Variants in UBE3C observed in about 807,000 individuals in gnomAD.
UBE3C encodes ubiquitin-protein ligase E3C.
Under a neutral mutation model 129.4 loss-of-function variants are expected in UBE3C, and 42 were observed. The observed-to-expected ratio is 0.32, with a 90% CI of 0.25 to 0.42. UBE3C has a LOEUF of 0.42. Among genes scored for constraint, UBE3C ranks in the 10% least tolerant of loss-of-function variants. The pLI is 1.00. For missense variants in UBE3C, 1,049 were observed against 1,319.1 expected, an observed-to-expected ratio of 0.80 and a Z score of 3.17; for synonymous variants, 510 against 492.4, an observed-to-expected ratio of 1.04 and a Z score of -0.47.
chr7:157,166,752 A>G (rs182777971), intron 2 of UBE3C, among the ~76,000 whole-genome samples: 2 of 151,880 alleles, frequency 1.3e-5, no homozygotes, highest in African/African-American at 4.8e-5. Flanking sequence ...AAAAAAAATC[A>G]ATATTTTGAA....
intron 16 of UBE3C, 144 bp from the exon 17 acceptor site, chr7:157,225,263 A>T: frequency 1.2e-6 from 1 of 855,818 alleles, no homozygotes; most frequent in East Asian, 3.1e-5. Flanking sequence ...TTTATTGATA[A>T]AAATCAAGAT....
At chr7:157,192,586 G>A (rs904190826) in intron 10 of UBE3C, 27 of 765,402 alleles carry the variant, frequency 3.5e-5, no homozygotes, top group East Asian at 3.4e-4. Context: ...TTGAGACTTC[G>A]TGGTGGTGCT....
At chr7:157,153,415 G>T (rs1427217078) in intron 1 of UBE3C, among the ~76,000 whole-genome samples, 1 of 152,002 alleles carries the variant, frequency 6.6e-6, no homozygotes, top group African/African-American at 2.4e-5. Flanking sequence ...CATCTTTTCT[G>T]GGCTTTTCTT....
At position 157,186,864 on chromosome 7, in the gene UBE3C, A is replaced by G. The variant is rs1451392453; in HGVS notation, c.1174A>G (p.Thr392Ala). The change falls in exon 10 of 23, where the codon ACA becomes GCA. Residue 392 changes from threonine (T) to alanine (A), a missense_variant. Thr to Ala is a moderately conservative substitution (Grantham distance 58). This residue lies in a region of UBE3C where 489 missense variants were observed against 513.8 expected (regional missense o/e 0.95). Coordinates refer to ENST00000348165, the MANE Select transcript of UBE3C (RefSeq NM_014671.3). The stretch of plus-strand genomic sequence containing the variant: ...TGGCAGACTGTCAGTATCATACATA[A>G]CAGAGGAATGCCTGAAGAAGCTGGA... ...EDGRLSVSYITEECLKKLDTK... is the reference protein window; with the variant it reads ...EDGRLSVSYIAEECLKKLDTK... 1.2e-6 allele frequency: 2 copies of G among 1,614,208 alleles called. No homozygotes were observed. The highest frequency in any genetic ancestry group is 1.7e-5 in the Admixed American group (1 of 60,032).
At chr7:157,157,150 A>T (rs1427709865) in intron 1 of UBE3C, among the ~76,000 whole-genome samples, 1 of 152,234 alleles carries the variant, frequency 6.6e-6, no homozygotes, top group Non-Finnish European at 1.5e-5. Context: ...TCAGCATACT[A>T]TTAAAAATAA....
intron 1 of UBE3C, among the ~76,000 whole-genome samples, chr7:157,141,401 C>G (rs139663360): frequency 2.4e-4 from 37 of 152,272 alleles, no homozygotes; most frequent in African/African-American, 8.7e-4. Context: ...TGTCACTAGT[C>G]CAGTTGGTTG....
intron 4 of UBE3C, 57 bp from the exon 5 acceptor site, chr7:157,174,862 T>A: frequency 7.2e-7 from 1 of 1,387,488 alleles, no homozygotes; most frequent in Non-Finnish European, 9.9e-7. Context: ...ATTATGTAAA[T>A]TAGCAAACTA....
At chr7:157,177,459 C>A (rs1808549714) in intron 5 of UBE3C, among the ~76,000 whole-genome samples, 2 of 152,216 alleles carry the variant, frequency 1.3e-5, no homozygotes, top group South Asian at 4.1e-4. Context: ...CTCTCTGTTG[C>A]ATTATCAGGT....
At chr7:157,259,344 T>C (rs1165139726) in intron 22 of UBE3C, among the ~76,000 whole-genome samples, 1 of 152,228 alleles carries the variant, frequency 6.6e-6, no homozygotes, top group African/African-American at 2.4e-5. Context: ...TACCCCCATT[T>C]TCAAGGGGTG....
At chr7:157,150,588 TATAAC>T (rs1243464304) in intron 1 of UBE3C, among the ~76,000 whole-genome samples, 2 of 152,226 alleles carry the variant, frequency 1.3e-5, no homozygotes, top group Non-Finnish European at 2.9e-5. Context: ...TAACCGTTAA[TATAAC>T]AATGCAGTGA....
intron 1 of UBE3C, among the ~76,000 whole-genome samples, chr7:157,160,625 G>A (rs1808044298): frequency 6.6e-6 from 1 of 152,040 alleles, no homozygotes; most frequent in African/African-American, 2.4e-5. Flanking sequence ...GTCTTAGTTG[G>A]TGTCTGCAAA....
At position 157,231,303 on chromosome 7, in the gene UBE3C, C is replaced by T. The variant is rs1235665057; in HGVS notation, c.2457C>T (p.Tyr819=). Residue 819 remains tyrosine (Y), a synonymous_variant, in exon 18 of 23, where the codon TAC becomes TAT. Coordinates refer to ENST00000348165, the MANE Select transcript of UBE3C (RefSeq NM_014671.3). ...GAGATTCTTTTGCCAGACATTACTA[C>T]TTCCTAGGCAGAATGCTTGGAAAGG... ...LVGDSFARHY[Y]FLGRMLGKAL... is the part of the protein sequence containing the mutation. 2 of 1,613,864 alleles carry T rather than the reference C, an allele frequency of 1.2e-6. No individual in the cohort carries two copies. Among genetic ancestry groups the T allele is most frequent in the Non-Finnish European group, 1.7e-6 (2 of 1,179,940 alleles).
At chr7:157,180,920 C>G (rs1006055044) in intron 6 of UBE3C, among the ~76,000 whole-genome samples, 1 of 152,208 alleles carries the variant, frequency 6.6e-6, no homozygotes, top group Non-Finnish European at 1.5e-5. Flanking sequence ...CTGCCAGTGA[C>G]CCTGGGGCTC....
At chr7:157,215,553 T>TAA (rs1795537075) in intron 13 of UBE3C, among the ~76,000 whole-genome samples, 1 of 148,448 alleles carries the variant, frequency 6.7e-6, no homozygotes, top group South Asian at 2.1e-4. Context: ...AGTATATATA[T>TAA]AATAGATATA....
At chr7:157,267,392 A>G (rs563956823) in intron 22 of UBE3C, among the ~76,000 whole-genome samples, 193 bp from the exon 23 acceptor site, 2 of 152,362 alleles carry the variant, frequency 1.3e-5, no homozygotes, top group South Asian at 4.1e-4. Context: ...ATTGCCCTCC[A>G]GCCTGGGCGA....
At chr7:157,258,791 G>A (rs1428507425) in intron 22 of UBE3C, among the ~76,000 whole-genome samples, 4 of 152,160 alleles carry the variant, frequency 2.6e-5, no homozygotes, top group Non-Finnish European at 5.9e-5. Context: ...TCTGAGTGAA[G>A]CTATTCTTTA....
chr7:157,264,238 T>C (rs936817184), intron 22 of UBE3C, among the ~76,000 whole-genome samples: 1 of 125,582 alleles, frequency 8.0e-6, no homozygotes, highest in African/African-American at 3.2e-5. Flanking sequence ...CTCGGCCTGT[T>C]ACACACACAC....
chr7:157,149,152 G>A (rs1807688380), intron 1 of UBE3C, among the ~76,000 whole-genome samples: 1 of 152,102 alleles, frequency 6.6e-6, no homozygotes, highest in Admixed American at 6.5e-5. Flanking sequence ...CGCCTGCCAG[G>A]TTCAAGCAAT....
At chr7:157,247,408 T>C (rs1454691368) in intron 18 of UBE3C, among the ~76,000 whole-genome samples, 8 of 152,176 alleles carry the variant, frequency 5.3e-5, no homozygotes, top group Non-Finnish European at 8.8e-5. Flanking sequence ...TAGAAAACTT[T>C]TGGCCGGGCA....
Sources: allele counts gnomAD v4.1 joint callset (sites outside exome capture counted in the v4.1 genomes callset), GRCh38; gene constraint gnomAD v4.1.1; regional missense constraint gnomAD v4.1.1; transcripts MANE v1.5; gene names NCBI Gene and HGNC (gene_info 2026-07-23, HGNC 2026-07-21).